The following LMBR1 variants were observed in gnomAD, a reference collection of about 807,000 sequenced individuals.
LMBR1 encodes limb development membrane protein 1.
LMBR1 carries 52 observed loss-of-function variants against 73.9 expected under a neutral mutation model. That is an observed-to-expected ratio of 0.70 (90% CI 0.56 to 0.89). LMBR1 has a LOEUF of 0.89. Among genes scored for constraint, LMBR1 ranks in the 40% least tolerant of loss-of-function variants. The pLI is 0.00. For missense variants in LMBR1, 539 were observed against 579.8 expected (o/e 0.93, Z 0.72); for synonymous variants, 215 against 209.4 (o/e 1.03, Z -0.23).
At chr7:156,751,776 T>G (rs982102394) in intron 9 of LMBR1, among the ~76,000 whole-genome samples, 5 of 152,206 alleles carry the variant, frequency 3.3e-5, no homozygotes, top group Non-Finnish European at 7.3e-5. Context: ...ATTTGTCACC[T>G]GTAGAGAAGG....
Position 156,678,289 on chromosome 7 carries a change from AACTTC to A in LMBR1, c.*5784_*5788del, listed in dbSNP as rs1804414183. The A allele has an allele frequency of 1.3e-5, 2 of 152,272 alleles. No homozygotes were observed. The highest frequency in any genetic ancestry group is 2.1e-4 in the South Asian group (1 of 4,834). The allele number at this position is 152,272 out of a possible 1,614,324, so 9.4% of individuals were successfully genotyped here. ...GGATGAAAGGCAGGAATGGTCATCT[AACTTC>A]ACTGAGGATGAGGGTCGCGAAAATC... is the stretch of plus-strand genomic sequence containing the variant. On this transcript the variant is annotated 3_prime_UTR_variant, in exon 17 of 17. Transcript: ENST00000353442.
At chr7:156,819,413 T>C (rs1834407734) in intron 4 of LMBR1, among the ~76,000 whole-genome samples, 2 of 152,200 alleles carry the variant, frequency 1.3e-5, no homozygotes, top group African/African-American at 4.8e-5. Context: ...GCCATTAAAT[T>C]TCCTTTCAAA....
intron 1 of LMBR1, among the ~76,000 whole-genome samples, chr7:156,860,657 C>A (rs1437882977): frequency 6.6e-6 from 1 of 152,206 alleles, no homozygotes; most frequent in Non-Finnish European, 1.5e-5. Flanking sequence ...TGCCTATGAG[C>A]CTGTAAAATC....
chr7:156,824,902 G>A (rs114078649), intron 4 of LMBR1, among the ~76,000 whole-genome samples: 2,392 of 149,554 alleles, frequency 0.016, 62 homozygotes, highest in African/African-American at 0.055. Flanking sequence ...CTATAAAAAC[G>A]AAAGCACACT....
chr7:156,688,281 T>C (rs1806387953), intron 15 of LMBR1, 90 bp from the exon 16 acceptor site: 2 of 862,930 alleles, frequency 2.3e-6, no homozygotes, highest in Admixed American at 5.7e-5. Flanking sequence ...GATCGAATTC[T>C]ATGGACTTTC....
chr7:156,891,597 G>A (rs1175591739), intron 1 of LMBR1, among the ~76,000 whole-genome samples: 2 of 152,120 alleles, frequency 1.3e-5, no homozygotes, highest in Non-Finnish European at 2.9e-5. Context: ...TGGGATCCTA[G>A]TAAAATTGTG....
In LMBR1 at chr7:156,728,685, A is replaced by C. The variant is rs542560756; in HGVS notation, c.874T>G (p.Leu292Val). ...AGAACCATAACAGCGGGATACACCA[A>C]ATTTCTTTCCCATGCTGAAGCCTTT... Reference protein sequence around the residue: ...RKKASAWERNLVYPAVMVLLL... With the variant: ...RKKASAWERNVVYPAVMVLLL... Residue 292 changes from leucine (L) to valine (V), a missense_variant, in exon 11 of 17, where the codon TTG becomes GTG. Coordinates refer to ENST00000353442, the MANE Select transcript of LMBR1 (RefSeq NM_022458.4). The C allele has an allele frequency of 3.7e-6, 6 of 1,604,002 alleles. No homozygotes were observed. The South Asian group carries it at 5.7e-5, about 15-fold the overall frequency.
intron 15 of LMBR1, among the ~76,000 whole-genome samples, chr7:156,691,111 T>C (rs1010967323): frequency 6.6e-6 from 1 of 152,146 alleles, no homozygotes; most frequent in African/African-American, 2.4e-5. Context: ...GAAGTAATAC[T>C]ACTATTAAAA....
chr7:156,699,714 A>C (rs1054388626), intron 15 of LMBR1, among the ~76,000 whole-genome samples: 1 of 152,132 alleles, frequency 6.6e-6, no homozygotes, highest in Non-Finnish European at 1.5e-5. Flanking sequence ...TACAAGAAAA[A>C]AACAACCCCA....
At chr7:156,712,218 CT>C (rs1401858736) in intron 15 of LMBR1, among the ~76,000 whole-genome samples, 1 of 152,042 alleles carries the variant, frequency 6.6e-6, no homozygotes, top group African/African-American at 2.4e-5. Flanking sequence ...AAAAGACAGA[CT>C]TCAAAAGAGG....
intron 15 of LMBR1, among the ~76,000 whole-genome samples, chr7:156,688,659 G>A (rs1461422108): frequency 1.3e-5 from 2 of 152,132 alleles, no homozygotes; most frequent in African/African-American, 2.4e-5. Flanking sequence ...CTCTTTAGTC[G>A]GGTCTCTGGG....
rs181636882 is a variant in LMBR1, at chr7:156,802,269, C to T, written c.320-5777G>A. 1.7e-3 allele frequency among the ~76,000 whole-genome samples: 253 copies of T among 152,350 alleles called. 2 individuals are homozygous for T. The highest frequency in any genetic ancestry group is 5.9e-3 in the African/African-American group (247 of 41,584). ...AAGTGCTGGGATTACAGGCATGGGC[C>T]ACCACGCCTGGCCCCTAAACTTCTT... On this transcript the variant is annotated intron_variant, in intron 4 of 16. Transcript: ENST00000353442.
downstream of LMBR1, chr7:156,676,895 C>CA (rs1383547509): frequency 8.7e-6 from 4 of 461,564 alleles, no homozygotes; most frequent in Admixed American, 1.1e-4. Flanking sequence ...ATATGAATAG[C>CA]AAAAAATGAG....
intron 1 of LMBR1, among the ~76,000 whole-genome samples, chr7:156,881,790 T>C (rs1054428514): frequency 6.6e-6 from 1 of 150,762 alleles, no homozygotes; most frequent in African/African-American, 2.5e-5. Flanking sequence ...ACCTCACACC[T>C]GTTAGGATGG....
At chr7:156,792,880 G>A (rs1190657072) in intron 5 of LMBR1, among the ~76,000 whole-genome samples, 1 of 147,106 alleles carries the variant, frequency 6.8e-6, no homozygotes, top group Non-Finnish European at 1.5e-5. Flanking sequence ...ACCAGACTTA[G>A]ACACAGTAAA....
chr7:156,798,226 G>A (rs1017845502), intron 4 of LMBR1, among the ~76,000 whole-genome samples: 4 of 152,260 alleles, frequency 2.6e-5, no homozygotes, highest in East Asian at 3.9e-4. Context: ...AATAATGCAC[G>A]TACAACAACT....
intron 10 of LMBR1, among the ~76,000 whole-genome samples, 192 bp from the exon 11 acceptor site, chr7:156,728,912 C>T (rs1350286045): frequency 2.0e-5 from 3 of 152,116 alleles, no homozygotes; most frequent in Non-Finnish European, 2.9e-5. Flanking sequence ...ATGGTATAGC[C>T]GCAGCTCACT....
intron 4 of LMBR1, among the ~76,000 whole-genome samples, chr7:156,797,788 C>T (rs964444616): frequency 2.6e-5 from 4 of 152,176 alleles, no homozygotes; most frequent in African/African-American, 9.6e-5. Context: ...AATCAACTCA[C>T]AGTTTCTTAT....
intron 4 of LMBR1, 77 bp from the exon 5 acceptor site, chr7:156,796,569 T>C: frequency 1.2e-6 from 1 of 854,494 alleles, no homozygotes. Context: ...ATCTATACTT[T>C]TAAATAGTAA....
Sources: gnomAD v4.1 joint callset for allele counts (sites outside exome capture counted in the v4.1 genomes callset) on GRCh38, gnomAD v4.1.1 for gene constraint, MANE v1.5 for transcripts, NCBI Gene and HGNC (gene_info 2026-07-23, HGNC 2026-07-21) for gene names.